Variants in PLD5 observed in about 807,000 individuals in gnomAD.
The protein encoded by PLD5 is phospholipase D family member 5, also known as inactive phospholipase D5.
PLD5 carries 36 observed loss-of-function variants against 61.1 expected under a neutral mutation model. The observed-to-expected ratio is 0.59, with a 90% CI of 0.45 to 0.78. The LOEUF (loss-of-function observed/expected upper bound fraction) is 0.78, where lower values mean the gene tolerates loss of function less well. PLD5 is among the 30% of genes least tolerant of loss of function. The pLI, the probability that PLD5 is intolerant of heterozygous loss-of-function variation, is 0.00. For missense variants in PLD5, 515 were observed against 644.4 expected (o/e 0.80, Z 2.17); for synonymous variants, 243 against 242.8 (o/e 1.00, Z -0.01).
At chr1:242,376,467 T>A (rs535140395) in intron 1 of PLD5, among the ~76,000 whole-genome samples, 4 of 152,324 alleles carry the variant, frequency 2.6e-5, no homozygotes, top group Non-Finnish European at 5.9e-5. Flanking sequence ...TTACTATTTA[T>A]GTAGTGAATT....
rs1440636134 is a variant in PLD5, at chr1:242,394,163, T to C, written c.190-45921A>G. 3.5e-5 allele frequency among the ~76,000 whole-genome samples: 3 copies of C among 85,952 alleles called. 1 individual carries two copies. The highest frequency in any genetic ancestry group is 7.0e-5 in the Non-Finnish European group (3 of 42,984). The allele number at this position is 85,952 out of a possible 152,430, so 56.4% of individuals were successfully genotyped here. A position where few individuals can be genotyped will look rare whatever the true frequency, so the allele number is the denominator to read the frequency against. On this transcript the variant is annotated intron_variant, in intron 1 of 9. Coordinates refer to ENST00000536534, the MANE Select transcript of PLD5 (RefSeq NM_001372062.1). ...GTATATATATGTGTATATATATGAG[T>C]ATATATATGTGTATATATGAGTATA...
chr1:242,322,931 T>A (rs1658512646), intron 2 of PLD5, among the ~76,000 whole-genome samples: 1 of 152,192 alleles, frequency 6.6e-6, no homozygotes, highest in Admixed American at 6.5e-5. Flanking sequence ...TATCTACCTA[T>A]CTATATTACT....
intron 1 of PLD5, among the ~76,000 whole-genome samples, chr1:242,364,482 C>T (rs147649332): frequency 0.024 from 3,706 of 152,166 alleles, 61 homozygotes; most frequent in African/African-American, 0.043. Context: ...TTTGGGAGGC[C>T]GGGGTGGGCG....
intron 9 of PLD5, among the ~76,000 whole-genome samples, chr1:242,096,847 A>T (rs1270543688): frequency 6.6e-6 from 1 of 151,532 alleles, no homozygotes; most frequent in Non-Finnish European, 1.5e-5. Flanking sequence ...GCACCCATTA[A>T]CTCATCATTT....
chr1:242,181,618 A>G (rs1371122387), intron 5 of PLD5, among the ~76,000 whole-genome samples: 1 of 152,036 alleles, frequency 6.6e-6, no homozygotes, highest in African/African-American at 2.4e-5. Flanking sequence ...GAAGGGCTTT[A>G]AAGTACCACT....
intron 1 of PLD5, among the ~76,000 whole-genome samples, chr1:242,521,128 C>T (rs918109288): frequency 1.3e-5 from 2 of 152,194 alleles, no homozygotes; most frequent in African/African-American, 2.4e-5. Flanking sequence ...TGTTACAAAA[C>T]ACGACTTCCT....
chr1:242,105,225 T>TC (rs1470649249), intron 8 of PLD5, among the ~76,000 whole-genome samples: 1 of 151,136 alleles, frequency 6.6e-6, no homozygotes, highest in East Asian at 1.9e-4. Context: ...TGTGTTGGTT[T>TC]TTTTTTTTTT....
chr1:242,381,507 T>A (rs555998243), intron 1 of PLD5, among the ~76,000 whole-genome samples: 1 of 152,240 alleles, frequency 6.6e-6, no homozygotes, highest in South Asian at 2.1e-4. Flanking sequence ...CATTTACCCA[T>A]GTAACAAACC....
rs1659355589 is a variant in PLD5, at chr1:242,084,161, A to G, written c.*5693T>C. ...ATTGGACTCCTTGTACATGACTGTCATCGCACTGTTAGCCCATTTTTTTAA... is the reference window on the plus strand; with the variant it reads ...ATTGGACTCCTTGTACATGACTGTCGTCGCACTGTTAGCCCATTTTTTTAA... On this transcript the variant is annotated 3_prime_UTR_variant, in exon 10 of 10. Coordinates refer to ENST00000536534, the MANE Select transcript of PLD5 (RefSeq NM_001372062.1). 1 of 152,178 alleles carries G rather than the reference A, an allele frequency of 6.6e-6. No individual in the cohort carries two copies. The allele number at this position is 152,178 out of a possible 1,614,324, so 9.4% of individuals were successfully genotyped here. A position where few individuals can be genotyped will look rare whatever the true frequency, so the allele number is the denominator to read the frequency against.
chr1:242,502,933 C>T (rs933999699), intron 1 of PLD5, among the ~76,000 whole-genome samples: 11 of 152,092 alleles, frequency 7.2e-5, no homozygotes, highest in Non-Finnish European at 1.5e-4. Flanking sequence ...TGGTGGCACA[C>T]ACCTGTGATC....
intron 9 of PLD5, among the ~76,000 whole-genome samples, chr1:242,092,014 G>C (rs775359616): frequency 2.7e-4 from 41 of 151,792 alleles, no homozygotes; most frequent in Non-Finnish European, 4.6e-4. Flanking sequence ...TTTTAGTAGA[G>C]ACGGGGTTTC....
intron 4 of PLD5, chr1:242,235,922 C>G (rs1671611374): frequency 1.3e-5 from 2 of 152,256 alleles, no homozygotes; most frequent in South Asian, 4.2e-4. Context: ...ATTCATTTGC[C>G]TGGAAGAAAG....
At chr1:242,386,112 T>C (rs568941113) in intron 1 of PLD5, among the ~76,000 whole-genome samples, 3 of 152,254 alleles carry the variant, frequency 2.0e-5, no homozygotes, top group South Asian at 2.1e-4. Context: ...TGTCTCTGTG[T>C]CCAAGTTTCC....
chr1:242,405,683 C>A (rs1664199658), intron 1 of PLD5, among the ~76,000 whole-genome samples: 1 of 151,854 alleles, frequency 6.6e-6, no homozygotes, highest in African/African-American at 2.4e-5. Flanking sequence ...CTCACTGCAA[C>A]CTCTGCCTAT....
At chr1:242,278,277 C>G (rs1485761338) in intron 3 of PLD5, among the ~76,000 whole-genome samples, 2 of 152,040 alleles carry the variant, frequency 1.3e-5, no homozygotes, top group Admixed American at 1.3e-4. Context: ...AGCATACAAG[C>G]AAGCAAACTC....
intron 1 of PLD5, among the ~76,000 whole-genome samples, chr1:242,507,033 C>A (rs1295352388): frequency 6.6e-6 from 1 of 152,170 alleles, no homozygotes; most frequent in Non-Finnish European, 1.5e-5. Context: ...GAAGTGGTAT[C>A]CTTGGCAAGA....
At chr1:242,325,435 G>C (rs1308793271) in intron 2 of PLD5, among the ~76,000 whole-genome samples, 1 of 136,092 alleles carries the variant, frequency 7.3e-6, no homozygotes, top group Non-Finnish European at 1.6e-5. Flanking sequence ...AAAGGGGTGG[G>C]GGGGAGAGAG....
Position 242,107,737 on chromosome 1 carries a change from A to G in PLD5, c.1173T>C (p.Leu391=), listed in dbSNP as rs41310579. 5 of 1,611,676 alleles carry G rather than the reference A, an allele frequency of 3.1e-6. No homozygotes were observed. The highest frequency in any genetic ancestry group is 1.3e-5 in the African/African-American group (1 of 74,878). ...TAAGAGATGAAATAAAGTTAAACGTAAGGGGATCAGTTTCCTTCCAGAAGC... is the reference window on the plus strand; with the variant it reads ...TAAGAGATGAAATAAAGTTAAACGTGAGGGGATCAGTTTCCTTCCAGAAGC... ...LLSFWKETDP[L]TFNFISSLKA... The change falls in exon 8 of 10, where the codon CTT becomes CTC. Residue 391 remains leucine (L), a synonymous_variant. Coordinates refer to ENST00000536534, the MANE Select transcript of PLD5 (RefSeq NM_001372062.1).
At position 242,220,048 on chromosome 1, in the gene PLD5, G is replaced by T. The variant is rs753605572; in HGVS notation, c.675C>A (p.Ile225=). Residue 225 remains isoleucine (I), a synonymous_variant, in exon 5 of 10, where the codon ATC becomes ATA. Coordinates refer to ENST00000536534, the MANE Select transcript of PLD5 (RefSeq NM_001372062.1). The part of the protein sequence containing the change: ...NKGRLQSSFW[I]VDKQHVYIGS... ...CGATATACACGTGCTGTTTGTCCACGATCCAGAAGGAGGACTGCAGCCGGC... is the reference window on the plus strand; with the variant it reads ...CGATATACACGTGCTGTTTGTCCACTATCCAGAAGGAGGACTGCAGCCGGC... 2 of 1,614,206 alleles carry T rather than the reference G, an allele frequency of 1.2e-6. No individual in the cohort carries two copies. The highest frequency in any genetic ancestry group is 2.2e-5 in the East Asian group (1 of 44,884).
Sources: gnomAD v4.1 joint callset for allele counts (sites outside exome capture counted in the v4.1 genomes callset) on GRCh38, gnomAD v4.1.1 for gene constraint, MANE v1.5 for transcripts, NCBI Gene and HGNC (gene_info 2026-07-23, HGNC 2026-07-21) for gene names.